Variants in ARHGAP31 observed in about 807,000 individuals in gnomAD.
ARHGAP31 encodes Rho GTPase activating protein 31.
Under a neutral mutation model 113.9 loss-of-function variants are expected in ARHGAP31, and 34 were observed. That is an observed-to-expected ratio of 0.30 (90% CI 0.23 to 0.40). The LOEUF is 0.40. ARHGAP31 is among the 10% of genes least tolerant of loss of function. The pLI is 1.00. For synonymous variants in ARHGAP31, 650 were observed against 684.8 expected (o/e 0.95, Z 0.79); for missense variants, 1,548 against 1,767.1 (o/e 0.88, Z 2.22).
At chr3:119,391,598 T>TCC (rs1422804516) in intron 7 of ARHGAP31, among the ~76,000 whole-genome samples, 124 of 87,060 alleles carry the variant, frequency 1.4e-3, no homozygotes, top group South Asian at 0.012. Flanking sequence ...TACCCCCCCC[T>TCC]CCCCCCCGCC....
At chr3:119,388,233 T>A (rs1185759179) in intron 6 of ARHGAP31, among the ~76,000 whole-genome samples, 1 of 147,176 alleles carries the variant, frequency 6.8e-6, no homozygotes, top group African/African-American at 2.7e-5. Flanking sequence ...AATTTCTATT[T>A]TTTTTATATA....
chr3:119,365,303 T>C lies in ARHGAP31; in HGVS notation c.101-13T>C. On this transcript the variant is annotated splice_polypyrimidine_tract_variant and intron_variant, in intron 1 of 11. Transcript: ENST00000264245. Reference sequence around the variant, plus strand: ...TCTAATACTTAATTGTTTTTTTCTTTTCTTTTACATAGTTCCATACGTTTT... The same window carrying C: ...TCTAATACTTAATTGTTTTTTTCTTCTCTTTTACATAGTTCCATACGTTTT... 1.2e-6 allele frequency: 2 copies of C among 1,609,874 alleles called. No individual in the cohort carries two copies. The highest frequency in any genetic ancestry group is 1.7e-6 in the Non-Finnish European group (2 of 1,177,038).
rs78837524 is a variant in ARHGAP31 at position 119,390,990 on chromosome 3, G to A, written c.881+7G>A. On this transcript the variant is annotated splice_region_variant and intron_variant, in intron 7 of 11. Transcript: ENST00000264245. ...TTGAGTTACCAGACAACAAGTAAGT[G>A]GCACTCTTTTAAAAAATTCTAGGAG... The A allele has an allele frequency of 0.076, 123,287 of 1,613,482 alleles. 5,280 individuals are homozygous for A. The highest frequency in any genetic ancestry group is 0.095 in the South Asian group (8,675 of 91,040).
chr3:119,413,188 G>A (rs1180179474), intron 11 of ARHGAP31, among the ~76,000 whole-genome samples: 1 of 149,216 alleles, frequency 6.7e-6, no homozygotes, highest in Non-Finnish European at 1.5e-5. Flanking sequence ...GTGGTGGTGT[G>A]CACCTGTAAT....
Position 119,409,543 on chromosome 3 carries a change from G to A in ARHGAP31, c.1693G>A (p.Glu565Lys). The A allele has an allele frequency of 6.2e-7, 1 of 1,614,246 alleles. No individual in the cohort carries two copies. The highest frequency in any genetic ancestry group is 1.1e-5 in the South Asian group (1 of 91,078). ...AGLEDAKAVP[E>K]APGTVECSKG... ...TCTTGAGGATGCCAAGGCAGTACCT[G>A]AAGCACCGGGGACAGTGGAATGCAG... The change falls in exon 11 of 12, where the codon GAA (glutamate) becomes AAA (lysine). Residue 565 changes from glutamate (E) to lysine (K), a missense_variant. Transcript: ENST00000264245.
intron 1 of ARHGAP31, among the ~76,000 whole-genome samples, chr3:119,349,757 C>G (rs1253395845): frequency 6.6e-6 from 1 of 152,176 alleles, no homozygotes; most frequent in Admixed American, 6.5e-5. Flanking sequence ...AGAAGATCTC[C>G]AAGTGTAGTC....
At chr3:119,385,205 G>A (rs2080438750) in intron 6 of ARHGAP31, among the ~76,000 whole-genome samples, 1 of 151,940 alleles carries the variant, frequency 6.6e-6, no homozygotes, top group Admixed American at 6.6e-5. Flanking sequence ...TAGGATTACA[G>A]GTGTGAACCA....
At chr3:119,317,351 T>G (rs1576990734) in intron 1 of ARHGAP31, among the ~76,000 whole-genome samples, 1 of 152,228 alleles carries the variant, frequency 6.6e-6, no homozygotes, top group Non-Finnish European at 1.5e-5. Context: ...GCTAATTTTT[T>G]GTATTTTTAG....
chr3:119,338,242 G>A (rs567760374), intron 1 of ARHGAP31, among the ~76,000 whole-genome samples: 5 of 152,236 alleles, frequency 3.3e-5, no homozygotes, highest in South Asian at 4.1e-4. Flanking sequence ...TAACACAAGG[G>A]TGTTACATGG....
intron 6 of ARHGAP31, among the ~76,000 whole-genome samples, chr3:119,384,474 AT>A (rs979120023): frequency 5.3e-5 from 8 of 152,202 alleles, no homozygotes; most frequent in African/African-American, 1.9e-4. Flanking sequence ...TTTATTTCTC[AT>A]GGTTCCAGAG....
intron 1 of ARHGAP31, among the ~76,000 whole-genome samples, chr3:119,325,956 T>C (rs1243976953): frequency 6.6e-6 from 1 of 152,166 alleles, no homozygotes; most frequent in African/African-American, 2.4e-5. Flanking sequence ...TTTGGGAGGC[T>C]GAGGCGGGTG....
intron 1 of ARHGAP31, among the ~76,000 whole-genome samples, chr3:119,358,262 T>G (rs2080176127): frequency 6.6e-6 from 1 of 152,184 alleles, no homozygotes; most frequent in Admixed American, 6.5e-5. Context: ...GAAAAGATGT[T>G]CTACATTGTT....
chr3:119,297,220 G>C (rs1416946015), intron 1 of ARHGAP31, among the ~76,000 whole-genome samples: 1 of 152,202 alleles, frequency 6.6e-6, no homozygotes, highest in Non-Finnish European at 1.5e-5. Context: ...TGATAGTGTA[G>C]CATCAATGAA....
chr3:119,369,408 A>G (rs1044489276), intron 3 of ARHGAP31, among the ~76,000 whole-genome samples: 2 of 152,220 alleles, frequency 1.3e-5, no homozygotes, highest in Non-Finnish European at 2.9e-5. Flanking sequence ...AGATCATCCC[A>G]GTGAAGTCAG....
chr3:119,414,461 T>G lies in ARHGAP31; in HGVS notation c.2532T>G (p.Ser844Arg). The G allele has an allele frequency of 2.5e-6, 4 of 1,614,148 alleles. No homozygotes were observed. The highest frequency in any genetic ancestry group is 3.4e-6 in the Non-Finnish European group (4 of 1,180,026). The change falls in exon 12 of 12, where the codon AGT becomes AGG. Residue 844 changes from serine (S) to arginine (R), a missense_variant. Ser to Arg is a moderately radical substitution (Grantham distance 110). Coordinates refer to ENST00000264245, the MANE Select transcript of ARHGAP31 (RefSeq NM_020754.4). ...CQGEEATPRH[S>R]DKQNSKNAAS... ...GAGAGGAGGCAACCCCAAGACACAGTGACAAGCAAAATTCAAAGAATGCTG... is the reference window on the plus strand; with the variant it reads ...GAGAGGAGGCAACCCCAAGACACAGGGACAAGCAAAATTCAAAGAATGCTG...
intron 1 of ARHGAP31, among the ~76,000 whole-genome samples, chr3:119,349,541 G>A (rs927183206): frequency 6.6e-6 from 1 of 152,186 alleles, no homozygotes; most frequent in Non-Finnish European, 1.5e-5. Context: ...ATTAGAGAGG[G>A]TGATGTTGGG....
intron 6 of ARHGAP31, among the ~76,000 whole-genome samples, chr3:119,388,378 C>CA (rs2080473175): frequency 6.8e-6 from 1 of 148,114 alleles, no homozygotes; most frequent in South Asian, 2.2e-4. Context: ...GGCCAGTGGG[C>CA]AAACAGGAAA....
intron 10 of ARHGAP31, 40 bp from the exon 11 acceptor site, chr3:119,409,456 T>A: frequency 6.2e-7 from 1 of 1,612,218 alleles, no homozygotes; most frequent in South Asian, 1.1e-5. Context: ...TCTCTTGAAA[T>A]GAAGTCTCCT....
At chr3:119,363,022 C>A (rs543548102) in intron 1 of ARHGAP31, among the ~76,000 whole-genome samples, 78 of 152,314 alleles carry the variant, frequency 5.1e-4, no homozygotes, top group African/African-American at 1.8e-3. Context: ...AGATTAGTAT[C>A]ACTATTGTCC....
Sources: gnomAD v4.1 joint callset for allele counts (sites outside exome capture counted in the v4.1 genomes callset) on GRCh38, gnomAD v4.1.1 for gene constraint, MANE v1.5 for transcripts, NCBI Gene and HGNC (gene_info 2026-07-23, HGNC 2026-07-21) for gene names.